The following SDK1 variants were observed in gnomAD, a reference collection of about 807,000 sequenced individuals.
SDK1 encodes protein sidekick-1.
In SDK1, 157 loss-of-function variants were observed where a neutral mutation model predicts 245.5. The observed-to-expected ratio is 0.64, with a 90% confidence interval of 0.56 to 0.73. The LOEUF (loss-of-function observed/expected upper bound fraction) is 0.73, where lower values mean the gene tolerates loss of function less well. Among genes scored for constraint, SDK1 ranks in the 30% least tolerant of loss-of-function variants. The pLI, the probability that SDK1 is intolerant of heterozygous loss-of-function variation, is 0.00. For synonymous variants in SDK1, 1,647 were observed against 1,278.5 expected, an observed-to-expected ratio of 1.29 and a Z score of -6.15; for missense variants, 3,583 against 3,002.3, an observed-to-expected ratio of 1.19 and a Z score of -4.52.
chr7:3,857,378 A>C (rs1352159726), intron 5 of SDK1, among the ~76,000 whole-genome samples: 2 of 152,196 alleles, frequency 1.3e-5, no homozygotes, highest in African/African-American at 4.8e-5. Flanking sequence ...CAATATGATT[A>C]CTTGCGTAGA....
chr7:3,661,531 T>G (rs1244623971), intron 4 of SDK1, among the ~76,000 whole-genome samples: 2 of 152,222 alleles, frequency 1.3e-5, no homozygotes, highest in Non-Finnish European at 2.9e-5. Context: ...ATTTAGTCCT[T>G]TCTTTGATCT....
chr7:3,396,679 A>T (rs999777256), intron 1 of SDK1, among the ~76,000 whole-genome samples: 4 of 151,342 alleles, frequency 2.6e-5, no homozygotes, highest in African/African-American at 9.7e-5. Context: ...CTGTCCTCTG[A>T]TTACTGTTTT....
intron 4 of SDK1, among the ~76,000 whole-genome samples, chr7:3,755,166 C>G (rs1337841863): frequency 6.6e-6 from 1 of 152,132 alleles, no homozygotes; most frequent in African/African-American, 2.4e-5. Flanking sequence ...GCTTCCAGCT[C>G]ACTCTGATTG....
intron 17 of SDK1, among the ~76,000 whole-genome samples, chr7:4,047,331 A>G (rs914876110): frequency 7.9e-5 from 12 of 152,228 alleles, no homozygotes; most frequent in African/African-American, 2.7e-4. Context: ...CCTTCCATGT[A>G]TAAGATACAC....
intron 4 of SDK1, among the ~76,000 whole-genome samples, chr7:3,809,400 A>G (rs921380852): frequency 1.3e-5 from 2 of 152,190 alleles, no homozygotes; most frequent in Non-Finnish European, 2.9e-5. Flanking sequence ...TTTGGATGGA[A>G]CACAGATCCA....
intron 1 of SDK1, among the ~76,000 whole-genome samples, chr7:3,397,424 C>T (rs1368126414): frequency 6.6e-6 from 1 of 151,578 alleles, no homozygotes; most frequent in Non-Finnish European, 1.5e-5. Flanking sequence ...TTTTAATTTT[C>T]GTTTTTGAAG....
chr7:3,352,559 G>T (rs944635991), intron 1 of SDK1, among the ~76,000 whole-genome samples: 1 of 152,026 alleles, frequency 6.6e-6, no homozygotes, highest in Non-Finnish European at 1.5e-5. Flanking sequence ...CGTGTTCTTT[G>T]GCCAGACACC....
At chr7:3,906,858 G>T (rs890219236) in intron 5 of SDK1, among the ~76,000 whole-genome samples, 1 of 151,964 alleles carries the variant, frequency 6.6e-6, no homozygotes, top group Non-Finnish European at 1.5e-5. Flanking sequence ...GCAAACTCCT[G>T]AGCTCAGGCA....
intron 4 of SDK1, among the ~76,000 whole-genome samples, chr7:3,812,549 A>T (rs1279013544): frequency 6.6e-6 from 1 of 152,342 alleles, no homozygotes; most frequent in African/African-American, 2.4e-5. Flanking sequence ...ACTTGCCATT[A>T]TGAGATTAAC....
chr7:3,429,035 C>G (rs76971999), intron 1 of SDK1, among the ~76,000 whole-genome samples: 6,949 of 152,152 alleles, frequency 0.046, 483 homozygotes, highest in African/African-American at 0.15. Context: ...AGTGTCTGCT[C>G]AATTCATCTG....
At chr7:3,350,270 G>A (rs1383479765) in intron 1 of SDK1, among the ~76,000 whole-genome samples, 1 of 152,078 alleles carries the variant, frequency 6.6e-6, no homozygotes, top group Non-Finnish European at 1.5e-5. Context: ...AAAAAACAAA[G>A]TTTATCAGTG....
At chr7:4,007,644 G>C (rs1404641279) in intron 14 of SDK1, among the ~76,000 whole-genome samples, 1 of 151,804 alleles carries the variant, frequency 6.6e-6, no homozygotes, top group African/African-American at 2.4e-5. Flanking sequence ...TTGCTCTGTC[G>C]CCCAGGCTGG....
intron 4 of SDK1, among the ~76,000 whole-genome samples, chr7:3,647,495 C>T (rs545251276): frequency 8.5e-5 from 13 of 152,206 alleles, no homozygotes; most frequent in Non-Finnish European, 1.8e-4. Context: ...GGCATGATCT[C>T]AGCTCACTGC....
intron 1 of SDK1, among the ~76,000 whole-genome samples, chr7:3,357,015 A>G (rs1780815923): frequency 7.1e-6 from 1 of 140,086 alleles, no homozygotes. Context: ...AGATAGTGCC[A>G]CTGCACTCCA....
At chr7:4,028,581 T>C (rs1787544895) in intron 17 of SDK1, among the ~76,000 whole-genome samples, 1 of 152,234 alleles carries the variant, frequency 6.6e-6, no homozygotes, top group African/African-American at 2.4e-5. Context: ...ACTGAGCTGT[T>C]GGGACCAAGG....
rs571366188 is a variant in SDK1, at chr7:3,302,472, C to T, written c.298+588C>T. On this transcript the variant is annotated intron_variant, in intron 1 of 44. Transcript: ENST00000404826. ...TTTGCACTTGGCTTTGTTTTTCTCC[C>T]TCTATTGGCTTCTGTTTAGAATACA... 5 of 152,256 alleles carry T rather than the reference C, an allele frequency of 3.3e-5. No homozygotes were observed. The South Asian group carries it at 1.0e-3, about 32-fold the overall frequency. The allele number at this position is 152,256 out of a possible 1,614,324, so 9.4% of individuals were successfully genotyped here.
At position 3,725,644 on chromosome 7, in the gene SDK1, G is replaced by A. The variant is rs73302298; in HGVS notation, c.713+83539G>A. Among the ~76,000 whole-genome samples the A allele has an allele frequency of 6.3e-3, 961 of 152,220 alleles. 9 individuals carry two copies. Among genetic ancestry groups the A allele is most frequent in the African/African-American group, 0.022 (894 of 41,518 alleles). On this transcript the variant is annotated intron_variant, in intron 4 of 44. Transcript: ENST00000404826. ...AGGAGCCCCAAGAACAGGGAGGCTG[G>A]CCAAGCTGGAAAAATAATCAAAGCA...
chr7:4,177,087 G>A (rs944558737), intron 34 of SDK1, among the ~76,000 whole-genome samples: 2 of 152,234 alleles, frequency 1.3e-5, no homozygotes, highest in Admixed American at 1.3e-4. Context: ...CTGTAGGGGT[G>A]GGAGTGATTT....
Position 3,958,920 on chromosome 7 carries a change from C to A in SDK1, c.1151-11C>A. On this transcript the variant is annotated splice_polypyrimidine_tract_variant and intron_variant, in intron 7 of 44. Coordinates refer to ENST00000404826, the MANE Select transcript of SDK1 (RefSeq NM_152744.4). ...TGGCTTAGGGGCTTTTTTTTATTTTCTTGTTTGAAGAGCCACCATATTTTA... is the reference window on the plus strand; with the variant it reads ...TGGCTTAGGGGCTTTTTTTTATTTTATTGTTTGAAGAGCCACCATATTTTA... The A allele has an allele frequency of 6.2e-7, 1 of 1,608,314 alleles. No individual in the cohort carries two copies. The highest frequency in any genetic ancestry group is 8.5e-7 in the Non-Finnish European group (1 of 1,176,252).
Sources: gnomAD v4.1 joint callset for allele counts (sites outside exome capture counted in the v4.1 genomes callset) on GRCh38, gnomAD v4.1.1 for gene constraint, MANE v1.5 for transcripts, NCBI Gene and HGNC (gene_info 2026-07-23, HGNC 2026-07-21) for gene names.